Variants in CHST9 observed in about 807,000 individuals in gnomAD.
CHST9 encodes GalNAc-4-sulfotransferase 2.
Under a neutral mutation model 44.4 loss-of-function variants are expected in CHST9, and 41 were observed. The observed-to-expected ratio is 0.92, with a 90% CI of 0.72 to 1.20. The LOEUF (loss-of-function observed/expected upper bound fraction) is 1.20, where lower values mean the gene tolerates loss of function less well. Ranked by LOEUF, CHST9 falls within the 50% of genes most tolerant of loss-of-function variation. The probability of loss-of-function intolerance (pLI) is 0.00; values close to 1 mark genes in which losing one functional copy is unlikely to be tolerated. For synonymous variants in CHST9, 171 were observed against 178.4 expected (o/e 0.96, Z 0.33); for missense variants, 504 against 516.5 (o/e 0.98, Z 0.23).
At chr18:27,090,762 G>A (rs1292023681) in intron 2 of CHST9, among the ~76,000 whole-genome samples, 3 of 152,166 alleles carry the variant, frequency 2.0e-5, no homozygotes, top group African/African-American at 2.4e-5. Context: ...TTGTAGATGT[G>A]TGGTGTTATT....
At position 26,916,831 on chromosome 18, in the gene CHST9, G is replaced by A; in HGVS notation, c.760C>T (p.His254Tyr). The part of the protein sequence containing the change: ...ISHNAVHYGK[H>Y]LKKLDSFDLK... ...TCAAAGCTATCTAGCTTCTTCAAATGCTTCCCGTAGTGGACAGCATTGTGG... is the reference window on the plus strand; with the variant it reads ...TCAAAGCTATCTAGCTTCTTCAAATACTTCCCGTAGTGGACAGCATTGTGG... The change falls in exon 6 of 6, where the codon CAT becomes TAT. Residue 254 changes from histidine to tyrosine, a missense_variant. Physicochemically the swap from His to Tyr is moderately conservative, Grantham distance 83. Coordinates refer to ENST00000618847, the MANE Select transcript of CHST9 (RefSeq NM_031422.6). 3 of 1,613,888 alleles carry A rather than the reference G, an allele frequency of 1.9e-6. No homozygotes were observed. The highest frequency in any genetic ancestry group is 2.5e-6 in the Non-Finnish European group (3 of 1,179,854).
intron 4 of CHST9, among the ~76,000 whole-genome samples, chr18:26,975,198 A>T (rs1463221959): frequency 6.6e-6 from 1 of 152,184 alleles, no homozygotes; most frequent in Non-Finnish European, 1.5e-5. Flanking sequence ...GTAGTGATCA[A>T]TTGCTTCCAG....
At chr18:26,943,616 G>T (rs1373660616) in intron 5 of CHST9, among the ~76,000 whole-genome samples, 2 of 152,220 alleles carry the variant, frequency 1.3e-5, no homozygotes, top group African/African-American at 4.8e-5. Context: ...TCTGACTCTA[G>T]TGGCACAGGC....
At chr18:27,104,341 G>A (rs2143760243) in intron 2 of CHST9, among the ~76,000 whole-genome samples, 1 of 152,348 alleles carries the variant, frequency 6.6e-6, no homozygotes, top group Middle Eastern at 3.4e-3. Context: ...AAAATTTTCT[G>A]TGCTGTGCTA....
At chr18:27,170,487 G>C (rs2058826045) in intron 1 of CHST9, among the ~76,000 whole-genome samples, 1 of 152,110 alleles carries the variant, frequency 6.6e-6, no homozygotes. Context: ...AATCTCCCCT[G>C]ACAAAAGTAG....
intron 2 of CHST9, among the ~76,000 whole-genome samples, chr18:27,107,438 C>T (rs2058231448): frequency 6.6e-6 from 1 of 152,128 alleles, no homozygotes; most frequent in Non-Finnish European, 1.5e-5. Context: ...ACAGCAAAGA[C>T]TTGTATTGAG....
At chr18:26,925,502 G>A (rs903336979) in intron 5 of CHST9, among the ~76,000 whole-genome samples, 3 of 152,186 alleles carry the variant, frequency 2.0e-5, no homozygotes, top group Non-Finnish European at 4.4e-5. Context: ...CATATATCAA[G>A]CAATCTATTT....
intron 5 of CHST9, among the ~76,000 whole-genome samples, chr18:26,937,541 C>A (rs2056015625): frequency 6.6e-6 from 1 of 152,164 alleles, no homozygotes; most frequent in Non-Finnish European, 1.5e-5. Flanking sequence ...AGGGCTGCCA[C>A]TCATCAGCGG....
intron 4 of CHST9, among the ~76,000 whole-genome samples, chr18:26,948,420 A>T (rs552921566): frequency 6.6e-6 from 1 of 152,168 alleles, no homozygotes; most frequent in African/African-American, 2.4e-5. Flanking sequence ...ACAGATTTGC[A>T]TTTTTAAAAG....
chr18:27,142,685 T>C lies in CHST9; in HGVS notation c.121+4A>G. On this transcript the variant is annotated splice_donor_region_variant and intron_variant, in intron 2 of 5. Coordinates refer to ENST00000618847, the MANE Select transcript of CHST9 (RefSeq NM_031422.6). ...TAAAATAGAAGAAAAAGCACATGTG[T>C]TACCTGTATGTTGTTCTTCAATCCA... is the stretch of plus-strand genomic sequence containing the variant. The C allele has an allele frequency of 1.3e-6, 2 of 1,583,936 alleles. No individual in the cohort carries two copies. The highest frequency in any genetic ancestry group is 8.6e-7 in the Non-Finnish European group (1 of 1,168,094).
At chr18:26,949,842 C>T (rs1012928954) in intron 4 of CHST9, among the ~76,000 whole-genome samples, 1 of 152,054 alleles carries the variant, frequency 6.6e-6, no homozygotes, top group African/African-American at 2.4e-5. Context: ...AGAGAGAAGG[C>T]GAGGTGGCAG....
intron 5 of CHST9, among the ~76,000 whole-genome samples, chr18:26,923,033 C>T (rs2055691489): frequency 2.0e-5 from 3 of 152,200 alleles, no homozygotes; most frequent in African/African-American, 7.2e-5. Flanking sequence ...TTCTTTCTCC[C>T]CGTCAAAGTT....
chr18:26,917,606 T>C (rs1034761869), intron 5 of CHST9, among the ~76,000 whole-genome samples: 1 of 152,156 alleles, frequency 6.6e-6, no homozygotes, highest in Admixed American at 6.5e-5. Context: ...TTGCCTGTAA[T>C]GCAATAGGAT....
At chr18:27,035,732 C>T (rs577263159) in intron 3 of CHST9, among the ~76,000 whole-genome samples, 7 of 152,118 alleles carry the variant, frequency 4.6e-5, no homozygotes, top group South Asian at 2.1e-4. Flanking sequence ...CTCAATTATA[C>T]GTATAATCTA....
At chr18:26,959,616 A>G (rs1444403948) in intron 4 of CHST9, among the ~76,000 whole-genome samples, 1 of 152,244 alleles carries the variant, frequency 6.6e-6, no homozygotes, top group Non-Finnish European at 1.5e-5. Context: ...CTGGAAGGAA[A>G]AGCATGAGCA....
chr18:27,041,468 C>T (rs1364132124), intron 3 of CHST9, among the ~76,000 whole-genome samples: 1 of 152,122 alleles, frequency 6.6e-6, no homozygotes, highest in Non-Finnish European at 1.5e-5. Context: ...TATTGTGATG[C>T]AGCTGAAGAT....
intron 4 of CHST9, among the ~76,000 whole-genome samples, chr18:27,012,032 C>A (rs1220354828): frequency 6.6e-6 from 1 of 152,218 alleles, no homozygotes; most frequent in East Asian, 1.9e-4. Context: ...TCCATGCAAG[C>A]CTTTCTACAT....
At chr18:26,951,228 T>C (rs1297339175) in intron 4 of CHST9, among the ~76,000 whole-genome samples, 1 of 152,148 alleles carries the variant, frequency 6.6e-6, no homozygotes, top group Non-Finnish European at 1.5e-5. Flanking sequence ...AGGACCTATT[T>C]CTCTAAGATT....
At chr18:26,969,663 T>TAA (rs1190318997) in intron 4 of CHST9, among the ~76,000 whole-genome samples, 1 of 152,096 alleles carries the variant, frequency 6.6e-6, no homozygotes, top group Non-Finnish European at 1.5e-5. Flanking sequence ...AATAAGCAAA[T>TAA]GTATACGGTC....
Sources: allele counts gnomAD v4.1 joint callset (sites outside exome capture counted in the v4.1 genomes callset), GRCh38; gene constraint gnomAD v4.1.1; transcripts MANE v1.5; gene names NCBI Gene and HGNC (gene_info 2026-07-23, HGNC 2026-07-21).